SSBP3: variants seen among roughly 807,000 people sequenced by gnomAD.
The protein encoded by SSBP3 is single stranded DNA binding protein 3, also known as single-stranded DNA-binding protein 3.
Under a neutral mutation model 69.6 loss-of-function variants are expected in SSBP3, and 5 were observed. That is an observed-to-expected ratio of 0.07 (90% confidence interval 0.04 to 0.15). The LOEUF (loss-of-function observed/expected upper bound fraction) is 0.15, where lower values mean the gene tolerates loss of function less well. Ranked by LOEUF, SSBP3 falls within the 10% of genes least tolerant of loss-of-function variation. The pLI is 1.00. For synonymous variants in SSBP3, 196 were observed against 193.4 expected (o/e 1.01, Z -0.11); for missense variants, 312 against 534.0 (o/e 0.58, Z 4.10).
intron 7 of SSBP3, among the ~76,000 whole-genome samples, chr1:54,256,223 C>T (rs1371293627): frequency 6.6e-6 from 1 of 152,146 alleles, no homozygotes; most frequent in Non-Finnish European, 1.5e-5. Flanking sequence ...GACTAAACTC[C>T]CAGTTCAAAG....
chr1:54,263,523 A>G (rs1231432569), intron 5 of SSBP3, among the ~76,000 whole-genome samples: 1 of 152,216 alleles, frequency 6.6e-6, no homozygotes, highest in African/African-American at 2.4e-5. Context: ...CGGGGTCCCC[A>G]GTCCTGGTCC....
chr1:54,380,234 G>T (rs573318195), intron 4 of SSBP3, among the ~76,000 whole-genome samples: 1 of 152,138 alleles, frequency 6.6e-6, no homozygotes, highest in Non-Finnish European at 1.5e-5. Context: ...GGATTGACTC[G>T]CTCTGTGGTC....
chr1:54,228,725 T>C (rs1570174572), intron 15 of SSBP3, 23 bp downstream of exon 15: 1 of 1,570,440 alleles, frequency 6.4e-7, no homozygotes, highest in Non-Finnish European at 8.6e-7. Context: ...GGGTGGGGCA[T>C]GGCGAGGGCA....
chr1:54,299,515 T>A (rs1182285056), intron 4 of SSBP3, among the ~76,000 whole-genome samples: 2 of 146,382 alleles, frequency 1.4e-5, no homozygotes, highest in African/African-American at 2.6e-5. Context: ...TTTTTTTTTT[T>A]AATGCATTAC....
intron 4 of SSBP3, among the ~76,000 whole-genome samples, chr1:54,335,282 A>G (rs144837184): frequency 3.9e-5 from 6 of 152,354 alleles, no homozygotes; most frequent in Non-Finnish European, 7.3e-5. Flanking sequence ...TTGGAGAGCA[A>G]TATGTTTCAT....
At chr1:54,303,120 G>A (rs890801720) in intron 4 of SSBP3, among the ~76,000 whole-genome samples, 2 of 152,212 alleles carry the variant, frequency 1.3e-5, no homozygotes, top group Non-Finnish European at 2.9e-5. Flanking sequence ...GGCACACCGC[G>A]CTAATTACAC....
chr1:54,308,182 G>A (rs1645934006), intron 4 of SSBP3, among the ~76,000 whole-genome samples: 1 of 152,136 alleles, frequency 6.6e-6, no homozygotes, highest in African/African-American at 2.4e-5. Context: ...AGAAGAGGCC[G>A]GGTGCTGACA....
At position 54,298,020 on chromosome 1, in the gene SSBP3, G is replaced by A. The variant is rs529695095; in HGVS notation, c.277-16493C>T. On this transcript the variant is annotated intron_variant, in intron 4 of 17. Coordinates refer to ENST00000610401, the Ensembl canonical transcript of SSBP3. Reference sequence around the variant, plus strand: ...TTCTGGGGATGGCTGGGCCAGATGCGCAGGCCTCTTCTGCCCCCTCATGCT... The same window carrying A: ...TTCTGGGGATGGCTGGGCCAGATGCACAGGCCTCTTCTGCCCCCTCATGCT... Among the ~76,000 whole-genome samples the A allele has an allele frequency of 1.1e-4, 16 of 152,272 alleles. No homozygotes were observed. In the East Asian group the frequency reaches 1.7e-3, roughly 17 times the overall value.
chr1:54,246,459 C>A (rs1399416227), intron 9 of SSBP3, among the ~76,000 whole-genome samples: 1 of 152,212 alleles, frequency 6.6e-6, no homozygotes, highest in Admixed American at 6.5e-5. Context: ...GAAAGGCCTG[C>A]ATCTCAGAAC....
At chr1:54,384,195 G>A (rs1171568892) in intron 4 of SSBP3, among the ~76,000 whole-genome samples, 4 of 151,756 alleles carry the variant, frequency 2.6e-5, no homozygotes, top group African/African-American at 9.7e-5. Flanking sequence ...TCAAAAGGCT[G>A]GGTTAACTGA....
intron 4 of SSBP3, among the ~76,000 whole-genome samples, chr1:54,381,607 G>C (rs1647659875): frequency 6.6e-6 from 1 of 152,144 alleles, no homozygotes; most frequent in Non-Finnish European, 1.5e-5. Flanking sequence ...CACCTCGGTG[G>C]GGCACCTTGC....
At chr1:54,395,307 C>T (rs568916299) in intron 4 of SSBP3, among the ~76,000 whole-genome samples, 2 of 152,306 alleles carry the variant, frequency 1.3e-5, no homozygotes, top group South Asian at 4.1e-4. Flanking sequence ...AGAGATGGAC[C>T]TTGAGAAATG....
intron 4 of SSBP3, among the ~76,000 whole-genome samples, chr1:54,364,207 A>G (rs960349112): frequency 6.6e-6 from 1 of 152,234 alleles, no homozygotes; most frequent in Non-Finnish European, 1.5e-5. Flanking sequence ...TCTATGCTAC[A>G]ATGGCAGAGC....
intron 9 of SSBP3, among the ~76,000 whole-genome samples, chr1:54,249,838 G>A (rs1275861284): frequency 3.3e-5 from 5 of 151,090 alleles, no homozygotes; most frequent in African/African-American, 1.2e-4. Context: ...CAGCCCTCCA[G>A]GTCAGGCACA....
chr1:54,308,515 G>A (rs1645940158), intron 4 of SSBP3, among the ~76,000 whole-genome samples: 1 of 151,418 alleles, frequency 6.6e-6, no homozygotes, highest in Non-Finnish European at 1.5e-5. Flanking sequence ...GCAGGAGAAT[G>A]GCGTGAACCC....
intron 4 of SSBP3, among the ~76,000 whole-genome samples, chr1:54,340,066 C>G (rs1299240821): frequency 1.3e-5 from 2 of 152,234 alleles, no homozygotes; most frequent in East Asian, 3.9e-4. Context: ...CTTTCTTCCC[C>G]CACCTAGAGG....
At chr1:54,279,836 T>C (rs116249977) in intron 5 of SSBP3, among the ~76,000 whole-genome samples, 1,967 of 152,330 alleles carry the variant, frequency 0.013, 44 homozygotes, top group African/African-American at 0.045. Flanking sequence ...CTCTGGCTAC[T>C]GCCTTTCTTG....
upstream of SSBP3, among the ~76,000 whole-genome samples, chr1:54,406,962 GCC>G (rs1005636339): frequency 6.6e-6 from 1 of 151,094 alleles, no homozygotes; most frequent in Non-Finnish European, 1.5e-5. Context: ...CCCCCAGCCC[GCC>G]CCGCCCCCGG....
intron 5 of SSBP3, among the ~76,000 whole-genome samples, chr1:54,276,302 T>G (rs113253836): frequency 0.016 from 2,415 of 152,132 alleles, 55 homozygotes; most frequent in African/African-American, 0.053. Flanking sequence ...TCACGCAGCA[T>G]CCATCATCAA....
Sources: gnomAD v4.1 joint callset for allele counts (sites outside exome capture counted in the v4.1 genomes callset) on GRCh38, gnomAD v4.1.1 for gene constraint, MANE v1.5 for transcripts, NCBI Gene and HGNC (gene_info 2026-07-23, HGNC 2026-07-21) for gene names.